DSN1: variants seen among roughly 807,000 people sequenced by gnomAD.
DSN1 encodes kinetochore-associated protein DSN1 homolog.
In DSN1, 31 loss-of-function variants were observed where a neutral mutation model predicts 45.7. The ratio of observed to expected loss-of-function variants is 0.68; its 90% CI spans 0.51 to 0.92. The LOEUF is 0.92. Ranked by LOEUF, DSN1 falls within the 40% of genes least tolerant of loss-of-function variation. The pLI, the probability that DSN1 is intolerant of heterozygous loss-of-function variation, is 0.00. For missense variants in DSN1, 394 were observed against 414.2 expected (o/e 0.95, Z 0.42); for synonymous variants, 134 against 142.3 (o/e 0.94, Z 0.41).
rs757812779 is a variant in DSN1 at position 36,762,552 on chromosome 20, G to C, written c.503-4C>G. The C allele has an allele frequency of 1.2e-6, 2 of 1,611,770 alleles. No homozygotes were observed. The highest frequency in any genetic ancestry group is 4.5e-5 in the East Asian group (2 of 44,828). On this transcript the variant is annotated splice_region_variant and splice_polypyrimidine_tract_variant and intron_variant, in intron 5 of 10. Coordinates refer to ENST00000373750, the MANE Select transcript of DSN1 (RefSeq NM_001145315.2). ...AATTCTTCAGAAAGAGAAGATGCTA[G>C]ACAGCACAAATTTACGTGTCATAAA...
chr20:36,771,061 C>T lies in DSN1; in HGVS notation c.167G>A (p.Gly56Asp). Residue 56 changes from glycine to aspartate, a missense_variant, in exon 3 of 11, where the codon GGC becomes GAC. Coordinates refer to ENST00000373750, the MANE Select transcript of DSN1 (RefSeq NM_001145315.2). ...QGVSEERIHL[G>D]SSPKKGGNCD... ...ATTTCCCCCTTTTTTAGGGCTAGAGCCAAGGTGAATTCTTTCCTCTGAAAC... is the reference window on the plus strand; with the variant it reads ...ATTTCCCCCTTTTTTAGGGCTAGAGTCAAGGTGAATTCTTTCCTCTGAAAC... 1 of 1,614,128 alleles carries T rather than the reference C, an allele frequency of 6.2e-7. No individual in the cohort carries two copies. The highest frequency in any genetic ancestry group is 8.5e-7 in the Non-Finnish European group (1 of 1,180,026).
chr20:36,770,486 A>C (rs1247595632), intron 3 of DSN1, among the ~76,000 whole-genome samples: 3 of 152,238 alleles, frequency 2.0e-5, no homozygotes. Flanking sequence ...AACCACAGAA[A>C]GAAATCTTTA....
Position 36,754,868 on chromosome 20 carries a change from C to T in DSN1, c.874-18G>A, listed in dbSNP as rs1260219463. The stretch of plus-strand genomic sequence containing the variant: ...TCATCCATCTGTAGAAAAAAGACAG[C>T]TGTGAGCTGTAAAGGTCCATGGCTT... On this transcript the variant is annotated intron_variant, in intron 9 of 10. Transcript: ENST00000373750. 6.2e-7 allele frequency: 1 copy of T among 1,610,830 alleles called. No individual in the cohort carries two copies. The highest frequency in any genetic ancestry group is 8.5e-7 in the Non-Finnish European group (1 of 1,177,474).
chr20:36,771,036 A>G lies in DSN1; in HGVS notation c.192T>C (p.Asn64=). Residue 64 remains asparagine, a synonymous_variant, in exon 3 of 11, where the codon AAT becomes AAC. Coordinates refer to ENST00000373750, the MANE Select transcript of DSN1 (RefSeq NM_001145315.2). ...GTCTTTCCTGGTGGCTGAGATCACA[A>G]TTTCCCCCTTTTTTAGGGCTAGAGC... ...HLGSSPKKGG[N]CDLSHQERLQ... 6.2e-7 allele frequency: 1 copy of G among 1,614,074 alleles called. No individual in the cohort carries two copies. The highest frequency in any genetic ancestry group is 1.7e-5 in the Admixed American group (1 of 60,002).
chr20:36,755,734 T>C lies in DSN1; in HGVS notation c.821A>G (p.Tyr274Cys). Reference protein sequence around the residue: ...QNEVLNTKPDYQKILQNQSKV... With the variant: ...QNEVLNTKPDCQKILQNQSKV... ...GCTCTGGTTCTGTAATATTTTCTGG[T>C]AGTCAGGTTTTGTATTAAGAACTTC... Residue 274 changes from tyrosine to cysteine, a missense_variant, in exon 9 of 11, where the codon TAC (tyrosine) becomes TGC (cysteine). Coordinates refer to ENST00000373750, the MANE Select transcript of DSN1 (RefSeq NM_001145315.2). 6.2e-7 allele frequency: 1 copy of C among 1,614,110 alleles called. No individual in the cohort carries two copies. Among genetic ancestry groups the C allele is most frequent in the Non-Finnish European group, 8.5e-7 (1 of 1,180,006 alleles).
rs994055862 is a variant in DSN1 at position 36,762,528 on chromosome 20, A to G, written c.523T>C (p.Leu175=). ...RAKASSLSEE[L]KHFADGLETD... is the part of the protein sequence containing the mutation. ...TCCAGTCCGTCTGCAAAATGTTTCA[A>G]TTCTTCAGAAAGAGAAGATGCTAGA... The change falls in exon 6 of 11, where the codon TTG becomes CTG. Residue 175 remains leucine (L), a synonymous_variant. Coordinates refer to ENST00000373750, the MANE Select transcript of DSN1 (RefSeq NM_001145315.2). 7.4e-6 allele frequency: 12 copies of G among 1,613,684 alleles called. No homozygotes were observed. Among genetic ancestry groups the G allele is most frequent in the South Asian group, 3.3e-5 (3 of 91,034 alleles).
chr20:36,765,658 C>T (rs947878627), intron 5 of DSN1, among the ~76,000 whole-genome samples: 9 of 151,556 alleles, frequency 5.9e-5, no homozygotes, highest in Non-Finnish European at 1.0e-4. Context: ...ATTAGCCGGG[C>T]GCAGTGGCCG....
chr20:36,754,463 T>C (rs1287786674), intron 10 of DSN1, among the ~76,000 whole-genome samples: 1 of 152,194 alleles, frequency 6.6e-6, no homozygotes, highest in Non-Finnish European at 1.5e-5. Context: ...TAGTGAATTC[T>C]TGAGAAATGA....
chr20:36,754,432 A>G (rs992481742), intron 10 of DSN1, among the ~76,000 whole-genome samples: 3 of 152,164 alleles, frequency 2.0e-5, no homozygotes, highest in Non-Finnish European at 4.4e-5. Context: ...AAAGCTAGGG[A>G]GGAGTAATGT....
chr20:36,763,885 CAAAA>C (rs148628979), intron 5 of DSN1, among the ~76,000 whole-genome samples: 1 of 37,464 alleles, frequency 2.7e-5, no homozygotes, highest in African/African-American at 1.2e-4. Context: ...AACTCTGTCT[CAAAA>C]AAAAAAAAAA....
At chr20:36,767,097 A>G (rs975157687) in intron 4 of DSN1, among the ~76,000 whole-genome samples, 5 of 151,954 alleles carry the variant, frequency 3.3e-5, no homozygotes, top group African/African-American at 1.2e-4. Flanking sequence ...TAAGGTCAGG[A>G]GATGGAGACC....
Position 36,761,997 on chromosome 20 carries a change from A to G in DSN1, c.590+464T>C, listed in dbSNP as rs1987009594. On this transcript the variant is annotated intron_variant, in intron 6 of 10. Coordinates refer to ENST00000373750, the MANE Select transcript of DSN1 (RefSeq NM_001145315.2). The stretch of plus-strand genomic sequence containing the variant: ...GCACTCCAGCCTGGGGTACAGAGCA[A>G]GACTCCGAATCAAAAAATAAATAAA... 2.6e-5 allele frequency among the ~76,000 whole-genome samples: 4 copies of G among 152,234 alleles called. No individual in the cohort carries two copies. In the South Asian group the frequency reaches 8.3e-4, roughly 32 times the overall value.
At position 36,762,650 on chromosome 20, in the gene DSN1, GTTACATGTTGGTCC is replaced by G. The variant is rs1987064494; in HGVS notation, c.503-116_503-103del. The stretch of plus-strand genomic sequence containing the variant: ...TAAGGTAGTCTCAGCTCTAGGTACT[GTTACATGTTGGTCC>G]TCAAGCCCACCCAAAAGTGTGGAGT... On this transcript the variant is annotated intron_variant, in intron 5 of 10. Coordinates refer to ENST00000373750, the MANE Select transcript of DSN1 (RefSeq NM_001145315.2). The G allele has an allele frequency of 5.0e-6, 5 of 1,008,540 alleles. No individual in the cohort carries two copies. The South Asian group carries it at 9.3e-5, about 19-fold the overall frequency. 62.5% of individuals were successfully genotyped at this position (1,008,540 alleles called of 1,614,324 possible).
In DSN1 at chr20:36,771,085, A is replaced by T; in HGVS notation, c.143T>A (p.Val48Asp). Residue 48 changes from valine to aspartate, a missense_variant, in exon 3 of 11, where the codon GTT (valine) becomes GAT (aspartate). Coordinates refer to ENST00000373750, the MANE Select transcript of DSN1 (RefSeq NM_001145315.2). ...GCCAAGGTGAATTCTTTCCTCTGAAACGCCTTGATTCATCTCCAGGGAGGC... is the reference window on the plus strand; with the variant it reads ...GCCAAGGTGAATTCTTTCCTCTGAATCGCCTTGATTCATCTCCAGGGAGGC... ...TSASLEMNQGVSEERIHLGSS... is the reference protein window; with the variant it reads ...TSASLEMNQGDSEERIHLGSS... The T allele has an allele frequency of 1.2e-6, 2 of 1,614,098 alleles. No homozygotes were observed. Among genetic ancestry groups the T allele is most frequent in the East Asian group, 4.5e-5 (2 of 44,884 alleles).
chr20:36,771,605 A>G, intron 1 of DSN1, 132 bp from the exon 2 acceptor site: 1 of 699,846 alleles, frequency 1.4e-6, no homozygotes, highest in South Asian at 1.9e-5. Flanking sequence ...CCTCCCTGAC[A>G]GAGAATATCA....
intron 3 of DSN1, 22 bp downstream of exon 3, chr20:36,770,851 T>C (rs780180835): frequency 1.9e-6 from 3 of 1,587,964 alleles, no homozygotes; most frequent in Non-Finnish European, 2.6e-6. Flanking sequence ...AACCTCACTG[T>C]CTTGTGTACA....
chr20:36,768,066 T>TA (rs1405033984), intron 3 of DSN1, 24 bp from the exon 4 acceptor site: 1 of 1,612,916 alleles, frequency 6.2e-7, no homozygotes, highest in East Asian at 2.2e-5. Context: ...TAGCCACATT[T>TA]AAGGAGCTGG....
At chr20:36,756,842 C>T (rs556042594) in intron 8 of DSN1, among the ~76,000 whole-genome samples, 8 of 152,294 alleles carry the variant, frequency 5.3e-5, no homozygotes, top group African/African-American at 1.9e-4. Context: ...CATTATCTAT[C>T]TTCATAAATA....
At position 36,758,572 on chromosome 20, in the gene DSN1, C is replaced by A; in HGVS notation, c.636G>T (p.Lys212Asn). The stretch of plus-strand genomic sequence containing the variant: ...GGTTAACTTACTTTGTTATGTATTC[C>A]TTCATCTCAGCCACAGATGCTTCCA... Reference protein sequence around the residue: ...FSLEASVAEMKEYITKFSLER... With the variant: ...FSLEASVAEMNEYITKFSLER... Residue 212 changes from lysine (K) to asparagine (N), a missense_variant, in exon 7 of 11, where the codon AAG (lysine) becomes AAT (asparagine). By Grantham distance (94) the Lys-to-Asn change is moderately conservative (BLOSUM62 0). Transcript: ENST00000373750. 6.2e-7 allele frequency: 1 copy of A among 1,611,176 alleles called. No homozygotes were observed. The highest frequency in any genetic ancestry group is 1.3e-5 in the African/African-American group (1 of 74,990).
Sources: gnomAD v4.1 joint callset for allele counts (sites outside exome capture counted in the v4.1 genomes callset) on GRCh38, gnomAD v4.1.1 for gene constraint, MANE v1.5 for transcripts, NCBI Gene and HGNC (gene_info 2026-07-23, HGNC 2026-07-21) for gene names.